Variants in SLC6A16 observed in about 807,000 individuals in gnomAD.
The protein encoded by SLC6A16 is solute carrier family 6 member 16.
SLC6A16 carries 54 observed loss-of-function variants against 65.4 expected under a neutral mutation model. The observed-to-expected ratio is 0.83, with a 90% CI of 0.66 to 1.04. The LOEUF is 1.04. Ranked by LOEUF, SLC6A16 falls within the 50% of genes least tolerant of loss-of-function variation. The pLI is 0.00. For synonymous variants in SLC6A16, 330 were observed against 346.5 expected, an observed-to-expected ratio of 0.95 and a Z score of 0.53; for missense variants, 816 against 914.0, an observed-to-expected ratio of 0.89 and a Z score of 1.38.
the SLC6A16 span, chr19:49,337,729 AAG>A: frequency 6.5e-7 from 1 of 1,535,926 alleles, no homozygotes. Context: ...GCCCTGAAAG[AAG>A]AGACAGAGAC....
chr19:49,306,448 A>G (rs1970388135), intron 7 of SLC6A16, among the ~76,000 whole-genome samples: 1 of 152,194 alleles, frequency 6.6e-6, no homozygotes, highest in African/African-American at 2.4e-5. Context: ...ATTGCTTTAT[A>G]TAAGTGGACA....
Position 49,310,065 on chromosome 19 carries a change from G to A in SLC6A16, c.675C>T (p.Pro225=). ...CAAAGCCACTAGAGTTCATCGTTAAGGGACATTTCTCCCATGGAACGGGAA... is the reference window on the plus strand; with the variant it reads ...CAAAGCCACTAGAGTTCATCGTTAAAGGACATTTCTCCCATGGAACGGGAA... ...FQFPVPWEKC[P]LTMNSSGFDP... is the part of the protein sequence containing the mutation. Residue 225 remains proline, a synonymous_variant, in exon 4 of 12, where the codon CCC becomes CCT. Coordinates refer to ENST00000335875, the MANE Select transcript of SLC6A16 (RefSeq NM_014037.3). 2 of 1,614,032 alleles carry A rather than the reference G, an allele frequency of 1.2e-6. No individual in the cohort carries two copies. The highest frequency in any genetic ancestry group is 1.1e-5 in the South Asian group (1 of 91,080).
chr19:49,313,690 G>A (rs1970566264), intron 1 of SLC6A16, among the ~76,000 whole-genome samples: 1 of 151,830 alleles, frequency 6.6e-6, no homozygotes, highest in South Asian at 2.1e-4. Flanking sequence ...TAGTTACTAG[G>A]GAGGCTGACT....
chr19:49,294,642 T>C lies in SLC6A16; in HGVS notation c.1230-89A>G, dbSNP rs550152455. On this transcript the variant is annotated intron_variant, in intron 7 of 11. Transcript: ENST00000335875. ...CTTATCTTCAAGATAAAAAAGGCTA[T>C]CACTGGCTTAGCATTACTGATCTGG... 61 of 1,222,646 alleles carry C rather than the reference T, an allele frequency of 5.0e-5. 3 individuals are homozygous for C. In the East Asian group the frequency reaches 1.4e-3, roughly 28 times the overall value. The allele number at this position is 1,222,646 out of a possible 1,614,324, so 75.7% of individuals were successfully genotyped here.
chr19:49,291,348 G>A lies in SLC6A16; in HGVS notation c.1779-581C>T, dbSNP rs148951818. 2.5e-3 allele frequency among the ~76,000 whole-genome samples: 375 copies of A among 151,958 alleles called. 2 individuals carry two copies. Among genetic ancestry groups the A allele is most frequent in the African/African-American group, 8.5e-3 (352 of 41,426 alleles). On this transcript the variant is annotated intron_variant, in intron 10 of 11. Transcript: ENST00000335875. ...TCCTTAACTAACCATCTATGCCCCCGGAGTTTCCCTGGCTACCTCTACTAT... is the reference window on the plus strand; with the variant it reads ...TCCTTAACTAACCATCTATGCCCCCAGAGTTTCCCTGGCTACCTCTACTAT...
upstream of SLC6A16, among the ~76,000 whole-genome samples, chr19:49,329,277 CG>C (rs1970825898): frequency 6.6e-6 from 1 of 151,744 alleles, no homozygotes; most frequent in Admixed American, 6.6e-5. Context: ...TTAGTAGAGA[CG>C]GGGTTTCACT....
rs890677490 is a variant in SLC6A16 at position 49,325,187 on chromosome 19, G to A, written c.-204C>T. 8 of 985,376 alleles carry A rather than the reference G, an allele frequency of 8.1e-6. No individual in the cohort carries two copies. The East Asian group carries it at 4.5e-4, about 56-fold the overall frequency. 61.0% of individuals were successfully genotyped at this position (985,376 alleles called of 1,614,324 possible). ...CAGATCGGTTTGGGCGACACCCCTC[G>A]ATCTGCCTGGCGCGCGGCCTTTCCC... On this transcript the variant is annotated 5_prime_UTR_variant, in exon 1 of 12. Transcript: ENST00000335875.
intron 7 of SLC6A16, among the ~76,000 whole-genome samples, chr19:49,302,173 G>A (rs530199514): frequency 2.3e-4 from 35 of 152,308 alleles, no homozygotes; most frequent in African/African-American, 7.2e-4. Context: ...TAATGAGCCT[G>A]CAACTAGCCT....
At chr19:49,296,858 G>A (rs1404023327) in intron 7 of SLC6A16, among the ~76,000 whole-genome samples, 3 of 152,002 alleles carry the variant, frequency 2.0e-5, no homozygotes, top group Admixed American at 6.6e-5. Context: ...GCGTGATGGC[G>A]GGCGCCTGTA....
intron 7 of SLC6A16, among the ~76,000 whole-genome samples, chr19:49,304,920 T>C (rs1970354508): frequency 6.6e-6 from 1 of 152,226 alleles, no homozygotes; most frequent in African/African-American, 2.4e-5. Flanking sequence ...ACATTTCATA[T>C]ACATACAATT....
intron 1 of SLC6A16, among the ~76,000 whole-genome samples, chr19:49,314,106 A>ATCAT (rs79848931): frequency 6.3e-4 from 89 of 141,442 alleles, no homozygotes; most frequent in Non-Finnish European, 6.7e-4. Context: ...AAAAAAAAAA[A>ATCAT]AATCATAATC....
At chr19:49,326,006 C>A (rs1275089216), upstream of SLC6A16, among the ~76,000 whole-genome samples, 246 of 133,460 alleles carry the variant, frequency 1.8e-3, no homozygotes, top group African/African-American at 6.3e-3. Flanking sequence ...TACTAAAAGT[C>A]AAAAAAAAAA....
At chr19:49,304,176 C>T (rs1276188268) in intron 7 of SLC6A16, among the ~76,000 whole-genome samples, 2 of 152,112 alleles carry the variant, frequency 1.3e-5, no homozygotes, top group Non-Finnish European at 1.5e-5. Flanking sequence ...GAAATGTGAA[C>T]GTTATCAGAA....
At chr19:49,314,434 T>C (rs1970582720) in intron 1 of SLC6A16, among the ~76,000 whole-genome samples, 1 of 152,208 alleles carries the variant, frequency 6.6e-6, no homozygotes, top group South Asian at 2.1e-4. Context: ...TATGTACAGT[T>C]TTTTACTTGT....
the SLC6A16 span, among the ~76,000 whole-genome samples, chr19:49,338,545 G>A: frequency 6.6e-6 from 1 of 150,688 alleles, no homozygotes; most frequent in African/African-American, 2.4e-5. The surrounding 1 kb of genome is among the most constrained non-coding windows in gnomAD (Gnocchi z 5.0). Flanking sequence ...CCCTGGCTCC[G>A]GCCCCATCGT....
chr19:49,318,904 G>A (rs1191710833), intron 1 of SLC6A16, among the ~76,000 whole-genome samples: 1 of 134,642 alleles, frequency 7.4e-6, no homozygotes, highest in Non-Finnish European at 1.6e-5. Flanking sequence ...GTAGAGACAG[G>A]GTTTTGCCAT....
At chr19:49,312,517 C>T (rs948846251) in intron 1 of SLC6A16, 21 of 979,128 alleles carry the variant, frequency 2.1e-5, no homozygotes, top group Non-Finnish European at 2.3e-5. Context: ...TTCTACCTCA[C>T]ATCTAGGGCT....
chr19:49,320,954 C>A (rs187673669), intron 1 of SLC6A16, among the ~76,000 whole-genome samples: 3 of 152,256 alleles, frequency 2.0e-5, no homozygotes, highest in East Asian at 1.9e-4. Flanking sequence ...TAATATCAAT[C>A]CTTCTCAAAC....
chr19:49,301,157 A>G (rs1970283635), intron 7 of SLC6A16, among the ~76,000 whole-genome samples: 1 of 152,166 alleles, frequency 6.6e-6, no homozygotes, highest in African/African-American at 2.4e-5. Flanking sequence ...ACCCATACAG[A>G]AAGGGTGGAA....
Sources: gnomAD v4.1 joint callset for allele counts (sites outside exome capture counted in the v4.1 genomes callset) on GRCh38, gnomAD v4.1.1 for gene constraint, Gnocchi (gnomAD v3.1) non-coding constraint, MANE v1.5 for transcripts, NCBI Gene and HGNC (gene_info 2026-07-23, HGNC 2026-07-21) for gene names.